UNC5C: variants seen among roughly 807,000 people sequenced by gnomAD.
UNC5C encodes the protein netrin receptor UNC5C.
Under a neutral mutation model 99.8 loss-of-function variants are expected in UNC5C, and 47 were observed. The ratio of observed to expected loss-of-function variants is 0.47; its 90% CI spans 0.37 to 0.60. UNC5C has a LOEUF of 0.60. UNC5C is among the 20% of genes least tolerant of loss of function. The probability of loss-of-function intolerance (pLI) is 0.00; values close to 1 mark genes in which losing one functional copy is unlikely to be tolerated. For missense variants in UNC5C, 1,062 were observed against 1,165.9 expected (o/e 0.91, Z 1.30); for synonymous variants, 487 against 452.2 (o/e 1.08, Z -0.98).
chr4:95,338,088 T>C (rs904822143), intron 1 of UNC5C, among the ~76,000 whole-genome samples: 5 of 152,028 alleles, frequency 3.3e-5, no homozygotes, highest in African/African-American at 9.7e-5. Flanking sequence ...GTGGGACAGA[T>C]ATGATAAAAT....
At chr4:95,345,829 C>T (rs1402460078) in intron 1 of UNC5C, among the ~76,000 whole-genome samples, 4 of 151,612 alleles carry the variant, frequency 2.6e-5, no homozygotes, top group Non-Finnish European at 5.9e-5. Flanking sequence ...CACAACATAC[C>T]AAAACCTATG....
At chr4:95,431,629 T>C (rs1335611043) in intron 1 of UNC5C, among the ~76,000 whole-genome samples, 1 of 152,092 alleles carries the variant, frequency 6.6e-6, no homozygotes, top group Non-Finnish European at 1.5e-5. Flanking sequence ...CTCTAGGTGG[T>C]TTTCCTTTTC....
chr4:95,440,401 A>G (rs1314200479), intron 1 of UNC5C, among the ~76,000 whole-genome samples: 1 of 152,146 alleles, frequency 6.6e-6, no homozygotes, highest in African/African-American at 2.4e-5. Context: ...AAAACAGACC[A>G]ATTTTTTCAA....
chr4:95,541,366 G>GA (rs1225687977), intron 1 of UNC5C, among the ~76,000 whole-genome samples: 3 of 151,706 alleles, frequency 2.0e-5, no homozygotes, highest in African/African-American at 2.4e-5. Flanking sequence ...GTTATCAGAT[G>GA]AAAAAAAAGC....
chr4:95,534,899 T>G (rs1225617625), intron 1 of UNC5C, among the ~76,000 whole-genome samples: 1 of 152,140 alleles, frequency 6.6e-6, no homozygotes, highest in Non-Finnish European at 1.5e-5. Flanking sequence ...AAGACTTCGT[T>G]GTGTTAAAAT....
At chr4:95,493,806 C>T (rs1338371477) in intron 1 of UNC5C, among the ~76,000 whole-genome samples, 3 of 151,242 alleles carry the variant, frequency 2.0e-5, no homozygotes, top group Non-Finnish European at 3.0e-5. Flanking sequence ...CAAAAGACAG[C>T]GGACTGATCA....
intron 12 of UNC5C, among the ~76,000 whole-genome samples, chr4:95,195,747 ACCT>A (rs1289887833): frequency 6.6e-6 from 1 of 151,966 alleles, no homozygotes; most frequent in African/African-American, 2.4e-5. Flanking sequence ...ACTTCCGCCA[ACCT>A]CCTTTCTCTC....
intron 4 of UNC5C, among the ~76,000 whole-genome samples, chr4:95,261,229 C>T (rs1740213895): frequency 6.6e-6 from 1 of 152,000 alleles, no homozygotes; most frequent in Non-Finnish European, 1.5e-5. Flanking sequence ...GGCTGGTGTC[C>T]CCAGGGAAGC....
At chr4:95,292,577 AG>A (rs1469479349) in intron 3 of UNC5C, among the ~76,000 whole-genome samples, 8 of 152,098 alleles carry the variant, frequency 5.3e-5, no homozygotes, top group East Asian at 3.9e-4. Context: ...TAAGGGGGTG[AG>A]GGGGTACAGA....
chr4:95,512,024 A>G (rs1166691171), intron 1 of UNC5C, among the ~76,000 whole-genome samples: 1 of 152,094 alleles, frequency 6.6e-6, no homozygotes, highest in African/African-American at 2.4e-5. Flanking sequence ...ACTGGGCACC[A>G]AGTGCTGGGA....
chr4:95,274,203 C>T (rs1740768628), intron 4 of UNC5C, among the ~76,000 whole-genome samples: 1 of 152,118 alleles, frequency 6.6e-6, no homozygotes, highest in Non-Finnish European at 1.5e-5. Context: ...GCCAGGTACA[C>T]TGGTTCATCC....
chr4:95,286,733 A>G (rs1741246498), intron 3 of UNC5C, among the ~76,000 whole-genome samples: 1 of 152,164 alleles, frequency 6.6e-6, no homozygotes, highest in African/African-American at 2.4e-5. Flanking sequence ...ATGTGGGTAC[A>G]AAACCAATCA....
At chr4:95,352,973 A>C (rs1400827828) in intron 1 of UNC5C, among the ~76,000 whole-genome samples, 2 of 152,102 alleles carry the variant, frequency 1.3e-5, no homozygotes, top group Non-Finnish European at 2.9e-5. Context: ...ACATGGCCCA[A>C]AGCTTATTTA....
At chr4:95,506,531 A>G (rs1173123483) in intron 1 of UNC5C, among the ~76,000 whole-genome samples, 1 of 151,968 alleles carries the variant, frequency 6.6e-6, no homozygotes, top group African/African-American at 2.4e-5. Context: ...ATGGTCTTTG[A>G]TGTAATAATA....
intron 1 of UNC5C, among the ~76,000 whole-genome samples, chr4:95,354,468 CAT>C (rs1553965986): frequency 1.0e-5 from 1 of 98,218 alleles, no homozygotes; most frequent in African/African-American, 6.3e-5. Context: ...CTAACTCTTC[CAT>C]ATATATATAT....
At chr4:95,171,214 ATTTT>A (rs33993748) in intron 14 of UNC5C, among the ~76,000 whole-genome samples, 3 of 148,856 alleles carry the variant, frequency 2.0e-5, no homozygotes, top group Admixed American at 2.0e-4. Flanking sequence ...ATCTCTCTCT[ATTTT>A]TTTTTTCTTT....
At chr4:95,187,129 A>ATAAT (rs1348689412) in intron 12 of UNC5C, among the ~76,000 whole-genome samples, 2 of 152,222 alleles carry the variant, frequency 1.3e-5, no homozygotes, top group Non-Finnish European at 2.9e-5. Context: ...TCTAGTTAGC[A>ATAAT]TAATAGAGAA....
chr4:95,367,835 AAGAAATTCTTTTTGAATT>A (rs1744620598), intron 1 of UNC5C, among the ~76,000 whole-genome samples: 1 of 152,214 alleles, frequency 6.6e-6, no homozygotes, highest in African/African-American at 2.4e-5. Context: ...GTAGGTGCTT[AAGAAATTCTTTTTGAATT>A]GATCAGCTTC....
chr4:95,304,855 T>A (rs966715518), intron 2 of UNC5C, among the ~76,000 whole-genome samples: 1 of 152,180 alleles, frequency 6.6e-6, no homozygotes, highest in Admixed American at 6.5e-5. Flanking sequence ...GGTCTCATTC[T>A]CCCCCACTTT....
Sources: gnomAD v4.1 joint callset for allele counts (sites outside exome capture counted in the v4.1 genomes callset) on GRCh38, gnomAD v4.1.1 for gene constraint, MANE v1.5 for transcripts, NCBI Gene and HGNC (gene_info 2026-07-23, HGNC 2026-07-21) for gene names.